The following CMTR1 variants were observed in gnomAD, a reference collection of about 807,000 sequenced individuals.
CMTR1 encodes the protein cap-specific mRNA (nucleoside-2'-O-)-methyltransferase 1.
Under a neutral mutation model 107.0 loss-of-function variants are expected in CMTR1, and 39 were observed. That is an observed-to-expected ratio of 0.36 (90% CI 0.28 to 0.48). The LOEUF is 0.48. CMTR1 is among the 20% of genes least tolerant of loss of function. The probability of loss-of-function intolerance (pLI) is 0.99; values close to 1 mark genes in which losing one functional copy is unlikely to be tolerated. For synonymous variants in CMTR1, 366 were observed against 379.5 expected, an observed-to-expected ratio of 0.96 and a Z score of 0.41; for missense variants, 672 against 1,064.9, an observed-to-expected ratio of 0.63 and a Z score of 5.14.
chr6:37,441,553 T>G (rs2113865324), intron 2 of CMTR1, among the ~76,000 whole-genome samples: 1 of 152,164 alleles, frequency 6.6e-6, no homozygotes, highest in South Asian at 2.1e-4. Context: ...TAGCTGAGAT[T>G]ATAGGCATGT....
In CMTR1 at chr6:37,474,572, A is replaced by G. The variant is rs764715941; in HGVS notation, c.1870A>G (p.Lys624Glu). The change falls in exon 18 of 24, where the codon AAG becomes GAG. Residue 624 changes from lysine (K) to glutamate (E), a missense_variant. Lys to Glu is a moderately conservative substitution (Grantham distance 56). This residue lies in a region of CMTR1 where 583 missense variants were observed against 968.4 expected (regional missense o/e 0.60). Transcript: ENST00000373451. Reference protein sequence around the residue: ...WDGRQSDRWIKLDLKTELPRD... With the variant: ...WDGRQSDRWIELDLKTELPRD... The stretch of plus-strand genomic sequence containing the variant: ...TGGCCGCCAGTCAGACCGCTGGATC[A>G]AGCTAGACCTGAAGACAGAGCTGCC... 2 of 1,614,018 alleles carry G rather than the reference A, an allele frequency of 1.2e-6. No individual in the cohort carries two copies. Among genetic ancestry groups the G allele is most frequent in the African/African-American group, 2.7e-5 (2 of 74,940 alleles).
chr6:37,464,207 T>G (rs1761458122), intron 13 of CMTR1, among the ~76,000 whole-genome samples: 1 of 152,150 alleles, frequency 6.6e-6, no homozygotes, highest in Admixed American at 6.5e-5. Flanking sequence ...GGCTCACACC[T>G]GTAATCCCAG....
At chr6:37,434,580 T>C (rs1771478927) in intron 1 of CMTR1, among the ~76,000 whole-genome samples, 1 of 152,212 alleles carries the variant, frequency 6.6e-6, no homozygotes, top group South Asian at 2.1e-4. Flanking sequence ...CTCATGTACC[T>C]AACCATGGGG....
rs937677839 is a variant in CMTR1 at position 37,435,898 on chromosome 6, T to C, written c.133+136T>C. 6.0e-6 allele frequency: 5 copies of C among 839,754 alleles called. No homozygotes were observed. The African/African-American group carries it at 7.2e-5, about 12-fold the overall frequency. The allele number at this position is 839,754 out of a possible 1,614,324, so 52.0% of individuals were successfully genotyped here. On this transcript the variant is annotated intron_variant, in intron 2 of 23. Transcript: ENST00000373451. ...AAATTAGGAATACTCTACAGAGAGA[T>C]GTTGGCTATAGACTCTTTTCCCTTC... is the stretch of plus-strand genomic sequence containing the variant.
chr6:37,478,474 A>G lies in CMTR1; in HGVS notation c.2219A>G (p.Asp740Gly), dbSNP rs1469264255. 1 of 1,614,052 alleles carries G rather than the reference A, an allele frequency of 6.2e-7. No homozygotes were observed. The stretch of plus-strand genomic sequence containing the variant: ...AAGCTCAGCTACACAGGGCGTGATG[A>G]CCGGCACTTTGTACCCATGGGCCTC... ...TPKLSYTGRD[D>G]RHFVPMGLYI... Residue 740 changes from aspartate to glycine, a missense_variant, in exon 22 of 24, where the codon GAC (aspartate) becomes GGC (glycine). By Grantham distance (94) the Asp-to-Gly change is moderately conservative. Transcript: ENST00000373451.
chr6:37,472,082 A>G lies in CMTR1; in HGVS notation c.1620+178A>G, dbSNP rs551833515. Among the ~76,000 whole-genome samples the G allele has an allele frequency of 6.6e-6, 1 of 152,058 alleles. No individual in the cohort carries two copies. The highest frequency in any genetic ancestry group is 1.9e-4 in the East Asian group (1 of 5,160). ...TGGTAGTTACGTCCTTGGCCCTTTCACTGCTGGTTTGGCCCTGCAGCTGGG... is the reference window on the plus strand; with the variant it reads ...TGGTAGTTACGTCCTTGGCCCTTTCGCTGCTGGTTTGGCCCTGCAGCTGGG... On this transcript the variant is annotated intron_variant, in intron 15 of 23. Transcript: ENST00000373451. The surrounding 1 kb of genome is among the most constrained non-coding windows in gnomAD (Gnocchi z 4.1).
upstream of CMTR1, among the ~76,000 whole-genome samples, chr6:37,428,418 G>A (rs778486064): frequency 3.9e-5 from 6 of 152,078 alleles, no homozygotes; most frequent in Non-Finnish European, 8.8e-5. Context: ...CCCTCCCTTC[G>A]TGGGTTCCCT....
chr6:37,457,994 G>A (rs1450739216), intron 8 of CMTR1, among the ~76,000 whole-genome samples: 1 of 152,106 alleles, frequency 6.6e-6, no homozygotes, highest in African/African-American at 2.4e-5. Context: ...CTCTTGAAAG[G>A]CAGGATATGG....
chr6:37,429,348 A>G (rs558050583), upstream of CMTR1, among the ~76,000 whole-genome samples: 1 of 152,300 alleles, frequency 6.6e-6, no homozygotes, highest in African/African-American at 2.4e-5. Context: ...TCTTTAAATT[A>G]TGGTAAAAAA....
At chr6:37,435,567 T>C in intron 1 of CMTR1, 57 bp from the exon 2 acceptor site, 5 of 1,549,460 alleles carry the variant, frequency 3.2e-6, no homozygotes, top group Non-Finnish European at 4.3e-6. Context: ...GAATCCCTGC[T>C]GTGATCCCAG....
At chr6:37,465,955 G>C (rs1233735019) in intron 13 of CMTR1, among the ~76,000 whole-genome samples, 1 of 151,422 alleles carries the variant, frequency 6.6e-6, no homozygotes, top group African/African-American at 2.4e-5. Context: ...TGCATTGATT[G>C]TGTCCTTTGA....
chr6:37,467,472 TG>T (rs1761531768), intron 13 of CMTR1, among the ~76,000 whole-genome samples: 1 of 152,240 alleles, frequency 6.6e-6, no homozygotes, highest in Non-Finnish European at 1.5e-5. Flanking sequence ...AATGTTAATT[TG>T]GTCAAGTTGG....
chr6:37,461,963 A>C lies in CMTR1; in HGVS notation c.1193-7A>C. ...TGGCTGCTTTTGGTGTTTTCTCTCTAATCTAGGAGGCCACTTCATCTGTAA... is the reference window on the plus strand; with the variant it reads ...TGGCTGCTTTTGGTGTTTTCTCTCTCATCTAGGAGGCCACTTCATCTGTAA... On this transcript the variant is annotated splice_region_variant and splice_polypyrimidine_tract_variant and intron_variant, in intron 11 of 23. Coordinates refer to ENST00000373451, the MANE Select transcript of CMTR1 (RefSeq NM_015050.3). The C allele has an allele frequency of 6.2e-7, 1 of 1,612,696 alleles. No individual in the cohort carries two copies. Among genetic ancestry groups the C allele is most frequent in the Middle Eastern group, 1.6e-4 (1 of 6,062 alleles).
In CMTR1 at chr6:37,468,054, TG is replaced by T. The variant is rs528737088; in HGVS notation, c.1506-2957del. 6.2e-4 allele frequency among the ~76,000 whole-genome samples: 85 copies of T among 137,178 alleles called. No individual in the cohort carries two copies. The East Asian group carries it at 0.011, about 17-fold the overall frequency. 90.0% of individuals were successfully genotyped at this position (137,178 alleles called of 152,430 possible). ...CTCTTCCTTTCTTCCCTCTGTTTTGTGGGGGGGGGGACTAATTCAGTATTTT... is the reference window on the plus strand; with the variant it reads ...CTCTTCCTTTCTTCCCTCTGTTTTGTGGGGGGGGGACTAATTCAGTATTTT... On this transcript the variant is annotated intron_variant, in intron 13 of 23. Transcript: ENST00000373451.
chr6:37,451,968 A>T, intron 6 of CMTR1, 91 bp downstream of exon 6: 1 of 1,048,828 alleles, frequency 9.5e-7, no homozygotes, highest in Non-Finnish European at 1.4e-6. Context: ...GGGTTGTGGG[A>T]AGCTAAAGTT....
At chr6:37,449,377 C>T (rs745423018) in intron 4 of CMTR1, among the ~76,000 whole-genome samples, 1 of 152,108 alleles carries the variant, frequency 6.6e-6, no homozygotes, top group Non-Finnish European at 1.5e-5. Flanking sequence ...GGCGCAATCT[C>T]GGCTCACTGC....
chr6:37,459,296 C>T (rs1390392033), intron 9 of CMTR1, among the ~76,000 whole-genome samples: 1 of 152,216 alleles, frequency 6.6e-6, no homozygotes, highest in East Asian at 1.9e-4. Context: ...AAATTGATGC[C>T]TAAATGTAGG....
intron 8 of CMTR1, among the ~76,000 whole-genome samples, chr6:37,455,969 A>G (rs948729416): frequency 8.5e-5 from 13 of 152,260 alleles, no homozygotes; most frequent in African/African-American, 3.1e-4. Flanking sequence ...TAAGTAGCAG[A>G]GCTAAGAACG....
chr6:37,468,543 T>C (rs114743548), intron 13 of CMTR1, among the ~76,000 whole-genome samples: 138 of 152,374 alleles, frequency 9.1e-4, no homozygotes, highest in African/African-American at 3.1e-3. Context: ...AGCCTGTCTT[T>C]GTAGTACAAG....
Sources: allele counts gnomAD v4.1 joint callset (sites outside exome capture counted in the v4.1 genomes callset), GRCh38; gene constraint gnomAD v4.1.1; regional missense constraint gnomAD v4.1.1; non-coding constraint Gnocchi (gnomAD v3.1); transcripts MANE v1.5; gene names NCBI Gene and HGNC (gene_info 2026-07-23, HGNC 2026-07-21).